Variants in AKNAD1 observed in about 807,000 individuals in gnomAD.
AKNAD1 encodes the protein protein AKNAD1.
In AKNAD1, 67 loss-of-function variants were observed where a neutral mutation model predicts 90.8. That is an observed-to-expected ratio of 0.74 (90% CI 0.61 to 0.90). AKNAD1 has a LOEUF of 0.90. Among genes scored for constraint, AKNAD1 ranks in the 40% least tolerant of loss-of-function variants. The pLI, the probability that AKNAD1 is intolerant of heterozygous loss-of-function variation, is 0.00. For synonymous variants in AKNAD1, 327 were observed against 341.4 expected, an observed-to-expected ratio of 0.96 and a Z score of 0.46; for missense variants, 957 against 975.4, an observed-to-expected ratio of 0.98 and a Z score of 0.25.
Position 108,817,042 on chromosome 1 carries a change from C to T in AKNAD1, c.2379+6G>A. The T allele has an allele frequency of 1.2e-6, 2 of 1,613,734 alleles. No homozygotes were observed. Among genetic ancestry groups the T allele is most frequent in the South Asian group, 1.1e-5 (1 of 90,994 alleles). On this transcript the variant is annotated splice_donor_region_variant and intron_variant, in intron 15 of 15. Transcript: ENST00000370001. ...ATGCTTCTCGAATGATTTTCTAAGT[C>T]CTCACCTCAGATTTTATTTCTTCAG...
chr1:108,834,439 G>C lies in AKNAD1; in HGVS notation c.1746+8C>G. 1 of 1,604,478 alleles carries C rather than the reference G, an allele frequency of 6.2e-7. No homozygotes were observed. Among genetic ancestry groups the C allele is most frequent in the Non-Finnish European group, 8.5e-7 (1 of 1,175,244 alleles). On this transcript the variant is annotated splice_region_variant and intron_variant, in intron 9 of 15. Transcript: ENST00000370001. ...GAACCCAGCCAGGCCCCGGCTGCAG[G>C]ACATTACCCCAGAGTTAGAAGACAG...
In AKNAD1 at chr1:108,852,561, G is replaced by T. The variant is rs1420632297; in HGVS notation, c.104C>A (p.Thr35Asn). 1 of 1,613,768 alleles carries T rather than the reference G, an allele frequency of 6.2e-7. No homozygotes were observed. The highest frequency in any genetic ancestry group is 8.5e-7 in the Non-Finnish European group (1 of 1,179,952). The change falls in exon 2 of 16, where the codon ACC becomes AAC. Residue 35 changes from threonine (T) to asparagine (N), a missense_variant. By Grantham distance (65) the Thr-to-Asn change is moderately conservative. Coordinates refer to ENST00000370001, the MANE Select transcript of AKNAD1 (RefSeq NM_152763.5). ...GACTTCAAGGCCATCCTTTTTTGAG[G>T]TAAAACTGTAATCATTGCCTATCTT... ...QIKIGNDYSFTSKKDGLEVLN... is the reference protein window; with the variant it reads ...QIKIGNDYSFNSKKDGLEVLN...
At chr1:108,832,209 T>C (rs1486930678) in intron 9 of AKNAD1, among the ~76,000 whole-genome samples, 2 of 141,926 alleles carry the variant, frequency 1.4e-5, no homozygotes, top group Non-Finnish European at 3.0e-5. Context: ...GTATGCTGTG[T>C]TCTTTTTTTT....
chr1:108,829,613 G>A (rs1277226), intron 10 of AKNAD1, among the ~76,000 whole-genome samples: 111,068 of 151,886 alleles, frequency 0.73, 40,752 homozygotes, highest in East Asian at 0.76. Context: ...TTTTTAGCAC[G>A]AGCTTCATGC....
At chr1:108,828,943 A>G (rs1365321666) in intron 10 of AKNAD1, among the ~76,000 whole-genome samples, 1 of 151,848 alleles carries the variant, frequency 6.6e-6, no homozygotes, top group Non-Finnish European at 1.5e-5. Context: ...TTAAATCCAA[A>G]GTTTTGCATC....
rs1273327568 is a variant in AKNAD1 at position 108,820,554 on chromosome 1, G to T, written c.2240C>A (p.Thr747Lys). 1 of 1,601,570 alleles carries T rather than the reference G, an allele frequency of 6.2e-7. No homozygotes were observed. Among genetic ancestry groups the T allele is most frequent in the Non-Finnish European group, 8.6e-7 (1 of 1,169,352 alleles). The change falls in exon 14 of 16, where the codon ACA becomes AAA. Residue 747 changes from threonine (T) to lysine (K), a missense_variant. Coordinates refer to ENST00000370001, the MANE Select transcript of AKNAD1 (RefSeq NM_152763.5). Reference protein sequence around the residue: ...SKSFKGEHEPTPGKKKLQAFM... With the variant: ...SKSFKGEHEPKPGKKKLQAFM... ...ATGAAATAATACTTACTTTCCTGGT[G>T]TGGGCTCATGTTCACCTTTAAAGGA...
At chr1:108,851,311 T>C (rs1570829690) in intron 2 of AKNAD1, among the ~76,000 whole-genome samples, 1 of 152,138 alleles carries the variant, frequency 6.6e-6, no homozygotes, top group Admixed American at 6.5e-5. Context: ...CAAGTCAAGA[T>C]GGGATGTGCC....
At chr1:108,854,908 C>G (rs1327597384) in intron 1 of AKNAD1, among the ~76,000 whole-genome samples, 1 of 152,072 alleles carries the variant, frequency 6.6e-6, no homozygotes, top group Non-Finnish European at 1.5e-5. Flanking sequence ...GTTGCCTTTT[C>G]TGAGAAATAG....
rs755086453 is a variant in AKNAD1 at position 108,849,031 on chromosome 1, A to T, written c.1063T>A (p.Leu355Met). Residue 355 changes from leucine to methionine, a missense_variant, in exon 4 of 16, where the codon TTG becomes ATG. Transcript: ENST00000370001. ...GIESEASLSK[L>M]SPTSQKGTSS... ...GTGCCTTTCTGAGAGGTTGGTGACA[A>T]CTTAGAGAGACTTGCCTCAGATTCT... is the stretch of plus-strand genomic sequence containing the variant. 1.2e-6 allele frequency: 2 copies of T among 1,604,532 alleles called. No individual in the cohort carries two copies. Among genetic ancestry groups the T allele is most frequent in the African/African-American group, 1.3e-5 (1 of 74,528 alleles).
chr1:108,854,103 C>T (rs767028407), intron 1 of AKNAD1, among the ~76,000 whole-genome samples: 2 of 152,164 alleles, frequency 1.3e-5, no homozygotes, highest in Admixed American at 6.5e-5. Context: ...GCCCAGGCGG[C>T]GGTCTGGTGG....
intron 14 of AKNAD1, among the ~76,000 whole-genome samples, chr1:108,818,096 G>A (rs1298761): frequency 0.28 from 43,045 of 151,810 alleles, 6,818 homozygotes; most frequent in East Asian, 0.69. Flanking sequence ...GGGGTTATTT[G>A]CATAGTCTGT....
Position 108,839,307 on chromosome 1 carries a change from A to G in AKNAD1, c.1380-1601T>C, listed in dbSNP as rs1332919076. On this transcript the variant is annotated intron_variant, in intron 6 of 15. Coordinates refer to ENST00000370001, the MANE Select transcript of AKNAD1 (RefSeq NM_152763.5). Reference sequence around the variant, plus strand: ...AAGACCATACTGGCTAACATGGTGAAACCCCGTCTCTACTAAAAATACAGA... The same window carrying G: ...AAGACCATACTGGCTAACATGGTGAGACCCCGTCTCTACTAAAAATACAGA... Among the ~76,000 whole-genome samples the G allele has an allele frequency of 2.6e-5, 4 of 152,110 alleles. No homozygotes were observed. In the East Asian group the frequency reaches 7.7e-4, roughly 29 times the overall value.
intron 1 of AKNAD1, among the ~76,000 whole-genome samples, chr1:108,856,424 G>A (rs1665043204): frequency 6.6e-6 from 1 of 151,940 alleles, no homozygotes; most frequent in African/African-American, 2.4e-5. Flanking sequence ...AAAAGTCCAG[G>A]CACAGTGGCT....
chr1:108,817,175 T>C lies in AKNAD1; in HGVS notation c.2252A>G (p.Lys751Arg). The C allele has an allele frequency of 6.2e-7, 1 of 1,613,998 alleles. No homozygotes were observed. Among genetic ancestry groups the C allele is most frequent in the Non-Finnish European group, 8.5e-7 (1 of 1,179,952 alleles). Reference protein sequence around the residue: ...KGEHEPTPGKKKLQAFMTYSS... With the variant: ...KGEHEPTPGKRKLQAFMTYSS... Reference sequence around the variant, plus strand: ...GTAGGTCATGAAAGCCTGAAGTTTTTTTCTGGAAGACAAAAGCACATTGAT... The same window carrying C: ...GTAGGTCATGAAAGCCTGAAGTTTTCTTCTGGAAGACAAAAGCACATTGAT... Residue 751 changes from lysine (K) to arginine (R), a missense_variant and splice_region_variant, in exon 15 of 16, where the codon AAA becomes AGA. Lys to Arg is a conservative substitution (Grantham distance 26). Coordinates refer to ENST00000370001, the MANE Select transcript of AKNAD1 (RefSeq NM_152763.5).
rs753903299 is a variant in AKNAD1, at chr1:108,816,320, A to C, written c.2380-18T>G. Reference sequence around the variant, plus strand: ...TTTAAAATCTACAGAGGAAAAGTCCACACATTTTAATTACATAAACTAACT... The same window carrying C: ...TTTAAAATCTACAGAGGAAAAGTCCCCACATTTTAATTACATAAACTAACT... On this transcript the variant is annotated intron_variant, in intron 15 of 15. Transcript: ENST00000370001. 3 of 1,603,156 alleles carry C rather than the reference A, an allele frequency of 1.9e-6. No individual in the cohort carries two copies. The highest frequency in any genetic ancestry group is 2.7e-5 in the African/African-American group (2 of 74,424).
At chr1:108,832,211 C>CTTTTTTT (rs35868464) in intron 9 of AKNAD1, among the ~76,000 whole-genome samples, 25 of 91,678 alleles carry the variant, frequency 2.7e-4, no homozygotes, top group Non-Finnish European at 4.0e-4. Context: ...ATGCTGTGTT[C>CTTTTTTT]TTTTTTTTTT....
At chr1:108,816,865 A>G (rs1049932927) in intron 15 of AKNAD1, 183 bp downstream of exon 15, 6 of 620,166 alleles carry the variant, frequency 9.7e-6, no homozygotes, top group Non-Finnish European at 1.3e-5. Flanking sequence ...AATTTAGAAT[A>G]ATACAAACCT....
chr1:108,823,528 T>C (rs1464165786), intron 12 of AKNAD1, 38 bp downstream of exon 12: 3 of 1,611,616 alleles, frequency 1.9e-6, no homozygotes, highest in Non-Finnish European at 2.5e-6. Flanking sequence ...ACAGTGACTG[T>C]CCCCACTCGC....
Position 108,823,643 on chromosome 1 carries a change from A to C in AKNAD1, c.1982T>G (p.Met661Arg), listed in dbSNP as rs1287062458. 4 of 1,614,160 alleles carry C rather than the reference A, an allele frequency of 2.5e-6. No homozygotes were observed. Among genetic ancestry groups the C allele is most frequent in the Non-Finnish European group, 3.4e-6 (4 of 1,180,020 alleles). ...HSFCSDSGTEMQSNKCQDCGT... is the reference protein window; with the variant it reads ...HSFCSDSGTERQSNKCQDCGT... ...ACAGTCCTGACATTTGTTACTCTGC[A>C]TTTCAGTGCCAGAATCAGAACAGAA... Residue 661 changes from methionine to arginine, a missense_variant, in exon 12 of 16, where the codon ATG becomes AGG. Coordinates refer to ENST00000370001, the MANE Select transcript of AKNAD1 (RefSeq NM_152763.5).
Sources: gnomAD v4.1 joint callset for allele counts (sites outside exome capture counted in the v4.1 genomes callset) on GRCh38, gnomAD v4.1.1 for gene constraint, MANE v1.5 for transcripts, NCBI Gene and HGNC (gene_info 2026-07-23, HGNC 2026-07-21) for gene names.